The following TANC1 variants were observed in gnomAD, a reference collection of about 807,000 sequenced individuals.
TANC1 encodes the protein protein TANC1.
Under a neutral mutation model 149.7 loss-of-function variants are expected in TANC1, and 77 were observed. That is an observed-to-expected ratio of 0.51 (90% CI 0.43 to 0.62). The LOEUF (loss-of-function observed/expected upper bound fraction) is 0.62, where lower values mean the gene tolerates loss of function less well. TANC1 is among the 20% of genes least tolerant of loss of function. The pLI is 0.00. For synonymous variants in TANC1, 854 were observed against 925.0 expected, an observed-to-expected ratio of 0.92 and a Z score of 1.39; for missense variants, 1,985 against 2,321.8, an observed-to-expected ratio of 0.85 and a Z score of 2.98.
intron 1 of TANC1, among the ~76,000 whole-genome samples, chr2:158,981,528 T>TATATATATATATATATATAC (rs1559096425): frequency 2.6e-5 from 3 of 114,530 alleles, no homozygotes; most frequent in Admixed American, 8.6e-5. Flanking sequence ...TATATATATA[T>TATATATATATATATATATAC]ATATATATAT....
chr2:158,993,522 T>A (rs1410456305), intron 1 of TANC1, among the ~76,000 whole-genome samples: 3 of 152,258 alleles, frequency 2.0e-5, no homozygotes, highest in East Asian at 1.9e-4. Context: ...CCGCCTTTAT[T>A]TTTTATTTTT....
intron 19 of TANC1, among the ~76,000 whole-genome samples, chr2:159,209,499 T>C (rs1243203699): frequency 1.3e-5 from 2 of 152,148 alleles, no homozygotes; most frequent in East Asian, 3.9e-4. Flanking sequence ...GCCTGGCCTT[T>C]TGGGGAAAGG....
At chr2:159,006,328 A>G (rs1026000682) in intron 2 of TANC1, among the ~76,000 whole-genome samples, 5 of 150,918 alleles carry the variant, frequency 3.3e-5, no homozygotes, top group Non-Finnish European at 7.4e-5. Flanking sequence ...ATGTCACATT[A>G]CAATCTGAAC....
intron 3 of TANC1, among the ~76,000 whole-genome samples, chr2:159,087,967 A>G (rs2045118746): frequency 6.6e-6 from 1 of 150,920 alleles, no homozygotes; most frequent in Admixed American, 6.6e-5. Context: ...TAATCCAAGG[A>G]ATATCAAGGA....
chr2:159,004,392 G>C, intron 2 of TANC1: 1 of 1,201,822 alleles, frequency 8.3e-7, no homozygotes, highest in Non-Finnish European at 1.2e-6. Context: ...AAGTTTTACA[G>C]ACACAGAGAA....
intron 16 of TANC1, among the ~76,000 whole-genome samples, chr2:159,189,025 C>T (rs1035365698): frequency 2.6e-5 from 4 of 152,216 alleles, no homozygotes; most frequent in Non-Finnish European, 2.9e-5. Context: ...TTGTGCTTAG[C>T]GCTCAGCTCG....
chr2:158,970,404 A>G (rs1342654162), intron 1 of TANC1, among the ~76,000 whole-genome samples: 1 of 152,128 alleles, frequency 6.6e-6, no homozygotes, highest in African/African-American at 2.4e-5. Context: ...AGATTCCAGG[A>G]TTTTAACAGC....
intron 4 of TANC1, among the ~76,000 whole-genome samples, chr2:159,124,337 TTG>T (rs1369520595): frequency 6.6e-6 from 1 of 152,070 alleles, no homozygotes; most frequent in Admixed American, 6.6e-5. Context: ...GAACGAGATT[TTG>T]TCTCAAAAAC....
chr2:159,171,676 G>A (rs2055225006), intron 10 of TANC1, among the ~76,000 whole-genome samples: 1 of 151,994 alleles, frequency 6.6e-6, no homozygotes, highest in Non-Finnish European at 1.5e-5. Context: ...GACCAACATG[G>A]TAAAACCCCG....
At chr2:159,226,618 T>C (rs1028711074) in intron 24 of TANC1, 1 of 152,236 alleles carries the variant, frequency 6.6e-6, no homozygotes, top group Non-Finnish European at 1.5e-5. Flanking sequence ...ACTGAATTAA[T>C]TTTTTCCATT....
intron 16 of TANC1, among the ~76,000 whole-genome samples, chr2:159,189,031 G>A (rs1232456319): frequency 6.6e-6 from 1 of 152,242 alleles, no homozygotes; most frequent in African/African-American, 2.4e-5. Context: ...TTAGCGCTCA[G>A]CTCGGCCTTA....
chr2:159,153,722 G>GT (rs2053117088), intron 7 of TANC1, among the ~76,000 whole-genome samples: 2 of 149,260 alleles, frequency 1.3e-5, no homozygotes, highest in Admixed American at 1.3e-4. Flanking sequence ...AGGGTGTGCA[G>GT]GTTCCACTGC....
At chr2:159,226,987 A>G (rs1288169265) in intron 24 of TANC1, 1 of 152,252 alleles carries the variant, frequency 6.6e-6, no homozygotes, top group Non-Finnish European at 1.5e-5. Context: ...AGACAGAATT[A>G]AAAGATTATA....
chr2:159,125,241 C>A (rs1325406322), intron 4 of TANC1, among the ~76,000 whole-genome samples: 1 of 152,206 alleles, frequency 6.6e-6, no homozygotes, highest in African/African-American at 2.4e-5. Context: ...GAGGCTCCAG[C>A]TTTGTCCTTT....
chr2:159,145,444 T>C (rs2051956291), intron 5 of TANC1, among the ~76,000 whole-genome samples: 1 of 152,128 alleles, frequency 6.6e-6, no homozygotes, highest in Admixed American at 6.5e-5. Context: ...AGGAGGTGGG[T>C]ATGGCCACTT....
intron 2 of TANC1, among the ~76,000 whole-genome samples, chr2:159,047,223 A>C (rs1574325472): frequency 1.2e-4 from 16 of 137,062 alleles, no homozygotes; most frequent in Non-Finnish European, 1.4e-4. Context: ...CCTGCTCCCC[A>C]CTCCAAACCA....
chr2:159,198,955 C>T lies in TANC1; in HGVS notation c.3166-20C>T, dbSNP rs146406236. 18,189 of 1,601,726 alleles carry T rather than the reference C, an allele frequency of 0.011. 143 individuals are homozygous for T. Among genetic ancestry groups the T allele is most frequent in the Middle Eastern group, 0.022 (132 of 6,024 alleles). ...CTCTTGCTAAGAGAACTCATTAAAT[C>T]ACCTTGCCACTTCTGACAGGTGGTC... On this transcript the variant is annotated intron_variant, in intron 18 of 26. Transcript: ENST00000263635.
chr2:158,989,897 T>G (rs990894004), intron 1 of TANC1, among the ~76,000 whole-genome samples: 1 of 151,944 alleles, frequency 6.6e-6, no homozygotes, highest in African/African-American at 2.4e-5. Context: ...CGGCCTTAGT[T>G]TCTTCATCTG....
chr2:158,992,944 G>A (rs1467270216), intron 1 of TANC1, among the ~76,000 whole-genome samples: 3 of 148,596 alleles, frequency 2.0e-5, no homozygotes, highest in Non-Finnish European at 4.6e-5. Context: ...CTTTACTCGT[G>A]TGTTCTCCAT....
Sources: allele counts gnomAD v4.1 joint callset (sites outside exome capture counted in the v4.1 genomes callset), GRCh38; gene constraint gnomAD v4.1.1; transcripts MANE v1.5; gene names NCBI Gene and HGNC (gene_info 2026-07-23, HGNC 2026-07-21).